Variants in NXPH1 observed in about 807,000 individuals in gnomAD.
NXPH1 encodes the protein neurexophilin-1.
Under a neutral mutation model 23.7 loss-of-function variants are expected in NXPH1, and 5 were observed. The observed-to-expected ratio is 0.21, with a 90% CI of 0.11 to 0.44. The LOEUF is 0.44. Among genes scored for constraint, NXPH1 ranks in the 20% least tolerant of loss-of-function variants. The pLI, the probability that NXPH1 is intolerant of heterozygous loss-of-function variation, is 0.99. For synonymous variants in NXPH1, 144 were observed against 122.2 expected (o/e 1.18, Z -1.18); for missense variants, 324 against 321.6 (o/e 1.01, Z -0.06).
At chr7:8,680,129 A>G (rs1178081899) in intron 2 of NXPH1, among the ~76,000 whole-genome samples, 2 of 152,250 alleles carry the variant, frequency 1.3e-5, no homozygotes, top group African/African-American at 4.8e-5. Flanking sequence ...ATTCAGTGCC[A>G]TTTGTGGGTT....
intron 2 of NXPH1, among the ~76,000 whole-genome samples, chr7:8,600,365 G>A (rs1263547988): frequency 1.3e-5 from 2 of 152,174 alleles, no homozygotes; most frequent in Non-Finnish European, 2.9e-5. Context: ...TGCCCATTCA[G>A]TGCCTGACCC....
At chr7:8,462,331 A>G (rs745855135) in intron 2 of NXPH1, among the ~76,000 whole-genome samples, 4 of 152,202 alleles carry the variant, frequency 2.6e-5, no homozygotes, top group Non-Finnish European at 5.9e-5. Flanking sequence ...ACAGGCGTGA[A>G]CCACTGCACC....
At chr7:8,745,115 C>G (rs1234616249) in intron 2 of NXPH1, among the ~76,000 whole-genome samples, 1 of 152,230 alleles carries the variant, frequency 6.6e-6, no homozygotes. Context: ...CTGCCTTCTA[C>G]AAGTTTTTGG....
rs191553634 is a variant in NXPH1, at chr7:8,607,094, C to T, written c.55-143914C>T. Among the ~76,000 whole-genome samples the T allele has an allele frequency of 3.0e-3, 461 of 152,068 alleles. 4 individuals are homozygous for T. The highest frequency in any genetic ancestry group is 4.5e-3 in the Admixed American group (69 of 15,254). On this transcript the variant is annotated intron_variant, in intron 2 of 2. Transcript: ENST00000405863. ...AATATACGGTTGGACTCATATATAT[C>T]CTGGGACCAATACAGTTTAAATTAT...
At chr7:8,498,431 C>T (rs1042884129) in intron 2 of NXPH1, among the ~76,000 whole-genome samples, 1 of 152,008 alleles carries the variant, frequency 6.6e-6, no homozygotes, top group African/African-American at 2.4e-5. Flanking sequence ...GTTTATCAGT[C>T]CCTCTATTTT....
chr7:8,650,879 A>C (rs1484230215), intron 2 of NXPH1, among the ~76,000 whole-genome samples: 1 of 152,238 alleles, frequency 6.6e-6, no homozygotes, highest in Non-Finnish European at 1.5e-5. Context: ...AAGTAAATGA[A>C]CAAAACTAAA....
intron 2 of NXPH1, among the ~76,000 whole-genome samples, chr7:8,637,464 A>T (rs1820236740): frequency 6.6e-6 from 1 of 152,074 alleles, no homozygotes; most frequent in Non-Finnish European, 1.5e-5. Context: ...GGCTCAAGCA[A>T]TCCACTCCGT....
Position 8,751,837 on chromosome 7 carries a change from A to G in NXPH1, c.*68A>G. 1.4e-6 allele frequency: 2 copies of G among 1,424,954 alleles called. No individual in the cohort carries two copies. The highest frequency in any genetic ancestry group is 1.9e-6 in the Non-Finnish European group (2 of 1,066,012). 88.3% of individuals were successfully genotyped at this position (1,424,954 alleles called of 1,614,324 possible). ...TCATATGACAGGGCTGTTACCTCAA[A>G]GAAGAAGGTCACATCTGTTGCCTGG... On this transcript the variant is annotated 3_prime_UTR_variant, in exon 3 of 3. Transcript: ENST00000405863. This position sits in a 1 kb window ranked among gnomAD's most constrained non-coding sequence, Gnocchi z 4.5.
intron 2 of NXPH1, among the ~76,000 whole-genome samples, chr7:8,619,021 G>T (rs978138317): frequency 6.6e-6 from 1 of 152,138 alleles, no homozygotes; most frequent in East Asian, 1.9e-4. Context: ...GAAAAGTTTA[G>T]TATGTACAAA....
At chr7:8,521,520 T>C (rs1004609201) in intron 2 of NXPH1, among the ~76,000 whole-genome samples, 4 of 152,130 alleles carry the variant, frequency 2.6e-5, no homozygotes, top group Non-Finnish European at 5.9e-5. Context: ...CACCATGGTA[T>C]CCTTGAAGGC....
intron 2 of NXPH1, among the ~76,000 whole-genome samples, chr7:8,516,633 G>T (rs78719687): frequency 0.012 from 1,895 of 152,188 alleles, 41 homozygotes; most frequent in African/African-American, 0.043. Context: ...ACAGCAGAAT[G>T]GGGGAATTGC....
At chr7:8,514,783 C>T (rs934860654) in intron 2 of NXPH1, among the ~76,000 whole-genome samples, 22 of 152,072 alleles carry the variant, frequency 1.4e-4, no homozygotes, top group African/African-American at 5.1e-4. Context: ...AGCGGATGTC[C>T]ATCTCCACTC....
At chr7:8,542,807 G>T (rs1162803097) in intron 2 of NXPH1, among the ~76,000 whole-genome samples, 2 of 151,404 alleles carry the variant, frequency 1.3e-5, no homozygotes, top group African/African-American at 4.8e-5. Context: ...ACCAATATAG[G>T]AATACCATTT....
intron 2 of NXPH1, among the ~76,000 whole-genome samples, chr7:8,583,625 A>G (rs1036748349): frequency 2.6e-5 from 4 of 152,180 alleles, no homozygotes; most frequent in South Asian, 2.1e-4. Flanking sequence ...CGAGGATGCC[A>G]CTACCCTGGT....
chr7:8,538,764 T>C (rs922791497), intron 2 of NXPH1, among the ~76,000 whole-genome samples: 2 of 151,888 alleles, frequency 1.3e-5, no homozygotes, highest in East Asian at 1.9e-4. Flanking sequence ...AATTCAAATG[T>C]TGACTGGAGA....
intron 2 of NXPH1, among the ~76,000 whole-genome samples, chr7:8,528,286 G>A (rs1182179240): frequency 6.6e-6 from 1 of 152,244 alleles, no homozygotes; most frequent in Non-Finnish European, 1.5e-5. Context: ...TACCTGGGCT[G>A]CTTGCTGAGG....
At chr7:8,653,977 CA>C (rs1408950774) in intron 2 of NXPH1, among the ~76,000 whole-genome samples, 5 of 152,120 alleles carry the variant, frequency 3.3e-5, no homozygotes, top group African/African-American at 1.2e-4. Context: ...GCTTGGATTT[CA>C]TGTGTGGAAG....
intron 2 of NXPH1, among the ~76,000 whole-genome samples, chr7:8,645,835 A>T (rs545255643): frequency 1.3e-5 from 2 of 152,110 alleles, no homozygotes; most frequent in African/African-American, 4.8e-5. Flanking sequence ...CTCCACTGAT[A>T]AGCAATTCCA....
intron 2 of NXPH1, among the ~76,000 whole-genome samples, chr7:8,750,411 G>A (rs761693733): frequency 5.3e-5 from 8 of 152,024 alleles, no homozygotes; most frequent in Non-Finnish European, 7.4e-5. Flanking sequence ...GTGTTTTGCC[G>A]CACCTATTGA....
Sources: gnomAD v4.1 joint callset for allele counts (sites outside exome capture counted in the v4.1 genomes callset) on GRCh38, gnomAD v4.1.1 for gene constraint, Gnocchi (gnomAD v3.1) non-coding constraint, MANE v1.5 for transcripts, NCBI Gene and HGNC (gene_info 2026-07-23, HGNC 2026-07-21) for gene names.